The following VSNL1 variants were observed in gnomAD, a reference collection of about 807,000 sequenced individuals.
VSNL1 encodes visinin like 1.
A neutral mutation model predicts 20.4 loss-of-function variants in VSNL1; 6 were observed. The ratio of observed to expected loss-of-function variants is 0.29; its 90% CI spans 0.16 to 0.58. The LOEUF (loss-of-function observed/expected upper bound fraction) is 0.58, where lower values mean the gene tolerates loss of function less well. VSNL1 is among the 20% of genes least tolerant of loss of function. VSNL1 has a pLI of 0.90. For synonymous variants in VSNL1, 93 were observed against 86.4 expected (o/e 1.08, Z -0.42); for missense variants, 100 against 234.5 (o/e 0.43, Z 3.75).
intron 1 of VSNL1, chr2:17,567,778 A>C (rs1247914770): frequency 2.0e-5 from 3 of 152,124 alleles, no homozygotes; most frequent in African/African-American, 7.2e-5. Flanking sequence ...TTTTAAAATA[A>C]TCATTAATGT....
At chr2:17,547,540 A>G (rs1398852395) in intron 1 of VSNL1, among the ~76,000 whole-genome samples, 1 of 152,088 alleles carries the variant, frequency 6.6e-6, no homozygotes, top group Non-Finnish European at 1.5e-5. Flanking sequence ...AAATTAAGTA[A>G]GATACAATCC....
intron 2 of VSNL1, among the ~76,000 whole-genome samples, chr2:17,643,562 G>A (rs981174986): frequency 3.3e-5 from 5 of 152,312 alleles, no homozygotes; most frequent in African/African-American, 7.2e-5. Flanking sequence ...AGCACCTACT[G>A]TGTGCCTGGC....
intron 1 of VSNL1, among the ~76,000 whole-genome samples, chr2:17,585,003 C>T (rs1359341963): frequency 6.6e-6 from 1 of 152,176 alleles, no homozygotes; most frequent in African/African-American, 2.4e-5. Flanking sequence ...GTTACTCGCC[C>T]TAACATTGCC....
At chr2:17,566,299 C>T (rs888171605) in intron 1 of VSNL1, among the ~76,000 whole-genome samples, 1 of 152,244 alleles carries the variant, frequency 6.6e-6, no homozygotes, top group South Asian at 2.1e-4. Context: ...CTATATGCAT[C>T]TTCTGCTGTA....
intron 1 of VSNL1, chr2:17,541,581 C>G (rs546083860): frequency 1.3e-5 from 2 of 152,298 alleles, no homozygotes; most frequent in South Asian, 4.1e-4. Context: ...GAGTCACAGG[C>G]TCGGTCGCTG....
chr2:17,586,753 T>C (rs1255989414), intron 1 of VSNL1, among the ~76,000 whole-genome samples: 2 of 152,096 alleles, frequency 1.3e-5, no homozygotes, highest in Non-Finnish European at 1.5e-5. Flanking sequence ...TTAACCACAA[T>C]ATCAAATACA....
chr2:17,579,694 A>G (rs1664304970), intron 1 of VSNL1, among the ~76,000 whole-genome samples: 1 of 152,184 alleles, frequency 6.6e-6, no homozygotes, highest in Non-Finnish European at 1.5e-5. Context: ...TGCTTTAGGA[A>G]AGGTGTGGTC....
intron 1 of VSNL1, among the ~76,000 whole-genome samples, chr2:17,577,990 T>C (rs1175669232): frequency 6.6e-6 from 1 of 152,172 alleles, no homozygotes; most frequent in African/African-American, 2.4e-5. Context: ...TGGTATCTAC[T>C]TCATAAAACG....
chr2:17,588,347 G>C (rs1411499154), intron 1 of VSNL1, among the ~76,000 whole-genome samples: 1 of 152,104 alleles, frequency 6.6e-6, no homozygotes, highest in East Asian at 1.9e-4. Flanking sequence ...AGATCATCTG[G>C]TCCAACTCCT....
chr2:17,557,725 T>C (rs1048891939), intron 1 of VSNL1, among the ~76,000 whole-genome samples: 1 of 152,178 alleles, frequency 6.6e-6, no homozygotes, highest in Non-Finnish European at 1.5e-5. Flanking sequence ...TCCCATTTTA[T>C]TCCTCACTCA....
intron 1 of VSNL1, among the ~76,000 whole-genome samples, chr2:17,587,999 G>C (rs1664516968): frequency 6.6e-6 from 1 of 152,138 alleles, no homozygotes; most frequent in Admixed American, 6.5e-5. Context: ...TCTATCATTT[G>C]AAGTTCTCTT....
At chr2:17,595,998 G>A (rs1664702448) in intron 2 of VSNL1, among the ~76,000 whole-genome samples, 1 of 152,012 alleles carries the variant, frequency 6.6e-6, no homozygotes. Context: ...CCCTTTGATG[G>A]GCACTACTTG....
intron 1 of VSNL1, among the ~76,000 whole-genome samples, chr2:17,580,290 G>A (rs183491700): frequency 5.3e-5 from 8 of 152,292 alleles, no homozygotes; most frequent in Admixed American, 2.0e-4. Flanking sequence ...GTAAAGATCC[G>A]AGAAGCCTTG....
intron 3 of VSNL1, among the ~76,000 whole-genome samples, chr2:17,651,040 C>T (rs1388022147): frequency 6.6e-6 from 1 of 152,182 alleles, no homozygotes; most frequent in Non-Finnish European, 1.5e-5. Flanking sequence ...AATCTTTTGT[C>T]CATCTTCCAC....
intron 1 of VSNL1, among the ~76,000 whole-genome samples, chr2:17,558,571 G>A (rs544159677): frequency 1.3e-5 from 2 of 152,290 alleles, no homozygotes; most frequent in African/African-American, 4.8e-5. Flanking sequence ...CTTAGAAACA[G>A]TAAGTGACAT....
At chr2:17,637,948 GGTCAA>G (rs542833637) in intron 2 of VSNL1, among the ~76,000 whole-genome samples, 22 of 152,264 alleles carry the variant, frequency 1.4e-4, no homozygotes, top group Middle Eastern at 3.4e-3. Flanking sequence ...AATGCTGAGC[GGTCAA>G]GTCAAGACTC....
chr2:17,562,010 C>T (rs1663827774), intron 1 of VSNL1, among the ~76,000 whole-genome samples: 1 of 152,142 alleles, frequency 6.6e-6, no homozygotes, highest in African/African-American at 2.4e-5. Flanking sequence ...GTCTGCAATG[C>T]CCCCAGACTA....
chr2:17,543,190 T>A (rs975136605), intron 1 of VSNL1, among the ~76,000 whole-genome samples: 2 of 152,198 alleles, frequency 1.3e-5, no homozygotes, highest in African/African-American at 4.8e-5. Context: ...TATCCCCACC[T>A]CTTTGGATGT....
At chr2:17,561,112 A>G (rs1663803069) in intron 1 of VSNL1, among the ~76,000 whole-genome samples, 1 of 152,240 alleles carries the variant, frequency 6.6e-6, no homozygotes, top group African/African-American at 2.4e-5. Context: ...GATAGAAACA[A>G]AAAGAGATAG....
Sources: allele counts gnomAD v4.1 joint callset (sites outside exome capture counted in the v4.1 genomes callset), GRCh38; gene constraint gnomAD v4.1.1; transcripts MANE v1.5; gene names NCBI Gene and HGNC (gene_info 2026-07-23, HGNC 2026-07-21).